The following RPS6KA2 variants were observed in gnomAD, a reference collection of about 807,000 sequenced individuals.
RPS6KA2 encodes ribosomal protein S6 kinase alpha-2.
In RPS6KA2, 42 loss-of-function variants were observed where a neutral mutation model predicts 91.8. The ratio of observed to expected loss-of-function variants is 0.46; its 90% confidence interval spans 0.36 to 0.59. The LOEUF (loss-of-function observed/expected upper bound fraction) is 0.59, where lower values mean the gene tolerates loss of function less well. Ranked by LOEUF, RPS6KA2 falls within the 20% of genes least tolerant of loss-of-function variation. RPS6KA2 has a pLI of 0.00. For synonymous variants in RPS6KA2, 414 were observed against 393.6 expected, an observed-to-expected ratio of 1.05 and a Z score of -0.61; for missense variants, 798 against 978.5, an observed-to-expected ratio of 0.82 and a Z score of 2.46.
chr6:166,684,210 C>T (rs960644316), intron 2 of RPS6KA2, among the ~76,000 whole-genome samples: 1 of 152,120 alleles, frequency 6.6e-6, no homozygotes, highest in African/African-American at 2.4e-5. Context: ...AGGGGATGTA[C>T]CCATCAGTGT....
At chr6:166,657,378 A>G (rs565160786) in intron 2 of RPS6KA2, among the ~76,000 whole-genome samples, 2 of 152,320 alleles carry the variant, frequency 1.3e-5, no homozygotes, top group Admixed American at 1.3e-4. Flanking sequence ...AACAGATACG[A>G]GAGAAAAGTG....
intron 2 of RPS6KA2, among the ~76,000 whole-genome samples, chr6:166,725,941 G>A (rs1198441581): frequency 1.3e-5 from 2 of 152,288 alleles, no homozygotes; most frequent in East Asian, 1.9e-4. Flanking sequence ...GGCAGCTTTT[G>A]GGGAACCGAC....
At position 166,744,390 on chromosome 6, in the gene RPS6KA2, G is replaced by A. The variant is rs142016460; in HGVS notation, c.123+113810C>T. ...AGACCTGAGACGCGGCCCCGGGCCC[G>A]GGGAGTCGGAGGGGAATGGGAGCGT... On this transcript the variant is annotated intron_variant, in intron 2 of 21. Transcript: ENST00000503859. Among the ~76,000 whole-genome samples the A allele has an allele frequency of 3.1e-3, 470 of 152,266 alleles. 5 individuals are homozygous for A. Among genetic ancestry groups the A allele is most frequent in the African/African-American group, 0.01 (429 of 41,542 alleles).
chr6:166,811,410 T>C (rs1779636863), intron 2 of RPS6KA2, among the ~76,000 whole-genome samples: 1 of 152,236 alleles, frequency 6.6e-6, no homozygotes, highest in South Asian at 2.1e-4. Context: ...CTGAAGGGGC[T>C]GCCCAAAACC....
upstream of RPS6KA2, among the ~76,000 whole-genome samples, chr6:166,631,298 C>G (rs1787068021): frequency 6.6e-6 from 1 of 152,140 alleles, no homozygotes; most frequent in Admixed American, 6.5e-5. Context: ...AGGTGGAAAC[C>G]CACAGGCCAG....
chr6:166,513,534 G>A (rs1562547987), intron 3 of RPS6KA2, among the ~76,000 whole-genome samples: 1 of 152,188 alleles, frequency 6.6e-6, no homozygotes, highest in East Asian at 1.9e-4. Flanking sequence ...CTTAAAGTTA[G>A]GTAGCTCCTG....
At chr6:166,451,365 G>T (rs1779913228) in intron 12 of RPS6KA2, 132 bp from the exon 13 acceptor site, 2 of 888,500 alleles carry the variant, frequency 2.3e-6, no homozygotes, top group Admixed American at 4.8e-5. Context: ...GTGTGCACGT[G>T]GCGTATGCCT....
At chr6:166,712,647 G>T (rs933814152) in intron 2 of RPS6KA2, among the ~76,000 whole-genome samples, 1 of 152,208 alleles carries the variant, frequency 6.6e-6, no homozygotes, top group Non-Finnish European at 1.5e-5. Flanking sequence ...AGCCTCTCAC[G>T]CCATGATGAG....
intron 1 of RPS6KA2, among the ~76,000 whole-genome samples, chr6:166,600,147 A>C (rs1785682043): frequency 6.6e-6 from 1 of 152,112 alleles, no homozygotes; most frequent in African/African-American, 2.4e-5. Flanking sequence ...AGGTGCACCT[A>C]CTATAGGTGC....
chr6:166,809,923 G>A (rs1779586795), intron 2 of RPS6KA2, among the ~76,000 whole-genome samples: 2 of 152,234 alleles, frequency 1.3e-5, no homozygotes, highest in East Asian at 1.9e-4. Flanking sequence ...CAGGCATGAT[G>A]TATTAGTCTG....
intron 1 of RPS6KA2, among the ~76,000 whole-genome samples, chr6:166,623,735 A>G (rs1227623452): frequency 6.6e-6 from 1 of 152,186 alleles, no homozygotes; most frequent in Non-Finnish European, 1.5e-5. Context: ...GGTCACTGAG[A>G]CCTGACACCT....
chr6:166,655,639 ACT>A (rs926800444), intron 2 of RPS6KA2, among the ~76,000 whole-genome samples: 2 of 152,044 alleles, frequency 1.3e-5, no homozygotes, highest in African/African-American at 4.8e-5. Context: ...AAAAATTAAA[ACT>A]CTCCATCAGA....
Position 166,411,026 on chromosome 6 carries a change from G to A in RPS6KA2, c.*1736C>T, listed in dbSNP as rs1778280884. 1 of 152,088 alleles carries A rather than the reference G, an allele frequency of 6.6e-6. No homozygotes were observed. The highest frequency in any genetic ancestry group is 2.1e-4 in the South Asian group (1 of 4,828). 9.4% of individuals were successfully genotyped at this position (152,088 alleles called of 1,614,324 possible). A position where few individuals can be genotyped will look rare whatever the true frequency, so the allele number is the denominator to read the frequency against. ...AAAAAGCATCTTCTATGGAGAAAAT[G>A]TGAGGAATACCCTGTGGGCACTATG... On this transcript the variant is annotated 3_prime_UTR_variant, in exon 21 of 21. Transcript: ENST00000265678. This position sits in a 1 kb window ranked among gnomAD's most constrained non-coding sequence, Gnocchi z 4.5.
chr6:166,688,892 G>C (rs1412784430), intron 2 of RPS6KA2, among the ~76,000 whole-genome samples: 1 of 152,242 alleles, frequency 6.6e-6, no homozygotes, highest in Non-Finnish European at 1.5e-5. Flanking sequence ...CAAGGACTAA[G>C]TGAATTATTA....
intron 2 of RPS6KA2, among the ~76,000 whole-genome samples, chr6:166,695,107 A>G (rs909768): frequency 0.22 from 33,936 of 152,172 alleles, 4,067 homozygotes; most frequent in African/African-American, 0.32. Flanking sequence ...AGACAAATCT[A>G]TGAATACAGT....
At chr6:166,689,180 G>A (rs1583022464) in intron 2 of RPS6KA2, among the ~76,000 whole-genome samples, 3 of 152,324 alleles carry the variant, frequency 2.0e-5, no homozygotes, top group South Asian at 2.1e-4. Flanking sequence ...TCTCAGTGCC[G>A]AGCACCATGT....
intron 2 of RPS6KA2, among the ~76,000 whole-genome samples, chr6:166,778,886 G>A (rs1382834535): frequency 6.6e-6 from 1 of 152,262 alleles, no homozygotes; most frequent in Admixed American, 6.5e-5. Context: ...TCTGGTGAGA[G>A]TTGGAGAAGC....
At position 166,533,530 on chromosome 6, in the gene RPS6KA2, G is replaced by T. The variant is rs891578531; in HGVS notation, c.217-2217C>A. On this transcript the variant is annotated intron_variant, in intron 2 of 20. Coordinates refer to ENST00000265678, the MANE Select transcript of RPS6KA2 (RefSeq NM_021135.6). This position sits in a 1 kb window ranked among gnomAD's most constrained non-coding sequence, Gnocchi z 4.0. ...TAAGTTGGGCAGTGACACCAGCAAG[G>T]GCAGGGGTGTGCCTTCCTGGCCTAG... 1.3e-5 allele frequency among the ~76,000 whole-genome samples: 2 copies of T among 152,238 alleles called. No homozygotes were observed. Among genetic ancestry groups the T allele is most frequent in the African/African-American group, 4.8e-5 (2 of 41,458 alleles).
intron 2 of RPS6KA2, among the ~76,000 whole-genome samples, chr6:166,819,325 T>G (rs2128622697): frequency 6.6e-6 from 1 of 152,312 alleles, no homozygotes; most frequent in South Asian, 2.1e-4. Context: ...AAAGGTAGCA[T>G]TACACATAAA....
Sources: allele counts gnomAD v4.1 joint callset (sites outside exome capture counted in the v4.1 genomes callset), GRCh38; gene constraint gnomAD v4.1.1; non-coding constraint Gnocchi (gnomAD v3.1); transcripts MANE v1.5; gene names NCBI Gene and HGNC (gene_info 2026-07-23, HGNC 2026-07-21).